The following KCTD1 variants were observed in gnomAD, a reference collection of about 807,000 sequenced individuals.
The protein encoded by KCTD1 is BTB/POZ domain-containing protein KCTD1.
In KCTD1, 24 loss-of-function variants were observed where a neutral mutation model predicts 66.0. That is an observed-to-expected ratio of 0.36 (90% CI 0.26 to 0.51). The LOEUF (loss-of-function observed/expected upper bound fraction) is 0.51. Among genes scored for constraint, KCTD1 ranks in the 20% least tolerant of loss-of-function variants. The pLI is 0.95. For missense variants in KCTD1, 943 were observed against 1,205.2 expected (o/e 0.78, Z 3.22); for synonymous variants, 511 against 517.2 (o/e 0.99, Z 0.16).
intron 1 of KCTD1, among the ~76,000 whole-genome samples, chr18:26,540,473 C>A (rs77656010): frequency 1.3e-5 from 2 of 152,134 alleles, no homozygotes; most frequent in Admixed American, 1.3e-4. Context: ...CACTTATATG[C>A]GAGTGTTTTT....
chr18:26,549,415 G>A, upstream of KCTD1: 1 of 985,668 alleles, frequency 1.0e-6, no homozygotes, highest in African/African-American at 1.7e-5. Flanking sequence ...GTAGGTCTGG[G>A]GCAAGTCCGC....
At chr18:26,577,293 C>T (rs1222700539) in intron 1 of KCTD1, among the ~76,000 whole-genome samples, 1 of 152,098 alleles carries the variant, frequency 6.6e-6, no homozygotes, top group African/African-American at 2.4e-5. Flanking sequence ...TAGTAGTTTC[C>T]ATTTATTCTG....
chr18:26,555,083 A>T (rs1985675068), intron 1 of KCTD1, among the ~76,000 whole-genome samples: 1 of 152,236 alleles, frequency 6.6e-6, no homozygotes, highest in Admixed American at 6.5e-5. Context: ...GTGGAAAAGG[A>T]GATAAAGGTA....
At chr18:26,522,378 C>G (rs1398650824) in intron 1 of KCTD1, among the ~76,000 whole-genome samples, 1 of 152,146 alleles carries the variant, frequency 6.6e-6, no homozygotes, top group African/African-American at 2.4e-5. Flanking sequence ...GCCAGCAACC[C>G]ACGAGCAGCT....
chr18:26,579,265 T>TCA (rs74670208), intron 1 of KCTD1, among the ~76,000 whole-genome samples: 2,157 of 150,794 alleles, frequency 0.014, 53 homozygotes, highest in African/African-American at 0.046. Context: ...TTTCTCACCC[T>TCA]CACACACACA....
At chr18:26,511,513 T>C (rs1271155037) in intron 1 of KCTD1, among the ~76,000 whole-genome samples, 1 of 152,172 alleles carries the variant, frequency 6.6e-6, no homozygotes, top group African/African-American at 2.4e-5. Flanking sequence ...GGGGGGAAGA[T>C]GCGAACAACA....
At chr18:26,474,197 TACC>T (rs1407718792) in intron 3 of KCTD1, among the ~76,000 whole-genome samples, 3 of 152,194 alleles carry the variant, frequency 2.0e-5, no homozygotes, top group Non-Finnish European at 4.4e-5. Flanking sequence ...GATACAGATC[TACC>T]ACATCTTTTA....
intron 1 of KCTD1, among the ~76,000 whole-genome samples, chr18:26,565,520 T>C (rs1985962446): frequency 6.6e-6 from 1 of 152,184 alleles, no homozygotes; most frequent in Non-Finnish European, 1.5e-5. Flanking sequence ...AAGTTTTTCC[T>C]TTTCACCTGC....
intron 1 of KCTD1, among the ~76,000 whole-genome samples, chr18:26,581,993 C>T (rs1986364147): frequency 6.6e-6 from 1 of 151,812 alleles, no homozygotes; most frequent in Admixed American, 6.6e-5. Context: ...TAGGGCTGGG[C>T]ATGCTGCCTC....
chr18:26,617,520 C>A (rs1480485844), intron 1 of KCTD1, among the ~76,000 whole-genome samples: 2 of 152,110 alleles, frequency 1.3e-5, no homozygotes, highest in African/African-American at 4.8e-5. Flanking sequence ...CAATTGGGTA[C>A]TATTATTGAG....
At chr18:26,482,870 G>A (rs555218110) in intron 2 of KCTD1, among the ~76,000 whole-genome samples, 1 of 152,260 alleles carries the variant, frequency 6.6e-6, no homozygotes, top group Non-Finnish European at 1.5e-5. Flanking sequence ...GAAGTGCAAA[G>A]ACAGATGGAC....
intron 1 of KCTD1, among the ~76,000 whole-genome samples, chr18:26,564,366 C>T (rs1417722119): frequency 6.6e-6 from 1 of 152,200 alleles, no homozygotes; most frequent in Admixed American, 6.5e-5. Flanking sequence ...CCTGGACCAT[C>T]AATTCCCATC....
In KCTD1 at chr18:26,547,087, G is replaced by A; in HGVS notation, c.1450C>T (p.Leu484=). 1.3e-6 allele frequency: 2 copies of A among 1,544,086 alleles called. No individual in the cohort carries two copies. Among genetic ancestry groups the A allele is most frequent in the Non-Finnish European group, 1.7e-6 (2 of 1,145,364 alleles). ...PAPQGCYAEA[L]NGAARHHSHH... ...GAGTGGTGCCGTGCCGCCCCGTTCA[G>A]AGCCTCGGCGTAGCAGCCCTGCGGG... The change falls in exon 1 of 5, where the codon CTG becomes TTG. Residue 484 remains leucine (L), a synonymous_variant. Transcript: ENST00000580059.
intron 1 of KCTD1, among the ~76,000 whole-genome samples, chr18:26,608,502 G>A (rs992907493): frequency 4.6e-5 from 7 of 152,190 alleles, no homozygotes; most frequent in African/African-American, 1.2e-4. Context: ...AGAAAGGCAC[G>A]AAAGCCATCC....
At chr18:26,528,102 G>A (rs1190411011) in intron 1 of KCTD1, among the ~76,000 whole-genome samples, 1 of 152,160 alleles carries the variant, frequency 6.6e-6, no homozygotes, top group Non-Finnish European at 1.5e-5. Flanking sequence ...TCTGTGGTCT[G>A]AGAAATATTT....
At chr18:26,533,728 G>A (rs535033706) in intron 1 of KCTD1, among the ~76,000 whole-genome samples, 1 of 151,040 alleles carries the variant, frequency 6.6e-6, no homozygotes, top group Admixed American at 6.6e-5. Flanking sequence ...CGAACTCTTT[G>A]AGATCAAGTG....
chr18:26,657,376 CAA>C (rs1988181056), exon 1 of KCTD1: 1 of 985,592 alleles, frequency 1.0e-6, no homozygotes, highest in Non-Finnish European at 1.2e-6. Context: ...CATTGAAGCA[CAA>C]AGTCTCTCTC....
chr18:26,486,789 A>C (rs906432521), intron 2 of KCTD1, among the ~76,000 whole-genome samples: 1 of 152,232 alleles, frequency 6.6e-6, no homozygotes, highest in Non-Finnish European at 1.5e-5. Flanking sequence ...CGTCAGATTA[A>C]TTATATGACA....
intron 1 of KCTD1, among the ~76,000 whole-genome samples, chr18:26,637,736 G>A (rs985249200): frequency 6.6e-6 from 1 of 152,230 alleles, no homozygotes; most frequent in Non-Finnish European, 1.5e-5. Flanking sequence ...CTAATGGGAG[G>A]AGCCTGGGCT....
Sources: gnomAD v4.1 joint callset for allele counts (sites outside exome capture counted in the v4.1 genomes callset) on GRCh38, gnomAD v4.1.1 for gene constraint, MANE v1.5 for transcripts, NCBI Gene and HGNC (gene_info 2026-07-23, HGNC 2026-07-21) for gene names.